TACR1: variants seen among roughly 807,000 people sequenced by gnomAD.
TACR1 encodes tachykinin receptor 1, also known as substance-P receptor.
Under a neutral mutation model 35.8 loss-of-function variants are expected in TACR1, and 25 were observed. The ratio of observed to expected loss-of-function variants is 0.70; its 90% CI spans 0.51 to 0.98. The LOEUF (loss-of-function observed/expected upper bound fraction) is 0.98, where lower values mean the gene tolerates loss of function less well. Ranked by LOEUF, TACR1 falls within the 50% of genes least tolerant of loss-of-function variation. The pLI is 0.00. For synonymous variants in TACR1, 195 were observed against 206.7 expected (o/e 0.94, Z 0.48); for missense variants, 478 against 522.9 (o/e 0.91, Z 0.84).
chr2:75,199,174 T>C lies in TACR1; in HGVS notation c.-240A>G. 1 of 514,384 alleles carries C rather than the reference T, an allele frequency of 1.9e-6. No homozygotes were observed. Among genetic ancestry groups the C allele is most frequent in the African/African-American group, 1.9e-5 (1 of 52,802 alleles). 31.9% of individuals were successfully genotyped at this position (514,384 alleles called of 1,614,324 possible). A position where few individuals can be genotyped will look rare whatever the true frequency, so the allele number is the denominator to read the frequency against. ...CTCCACTTTCAAGCTTCAGGAGACG[T>C]TTGAGTTCAGAAGTCTGGAGACAGC... On this transcript the variant is annotated 5_prime_UTR_variant, in exon 1 of 5. Transcript: ENST00000305249.
rs142249312 is a variant in TACR1, at chr2:75,062,243, A to G, written c.585-8488T>C. On this transcript the variant is annotated intron_variant, in intron 2 of 4. Transcript: ENST00000305249. The stretch of plus-strand genomic sequence containing the variant: ...TTCTTTAATAGATAGGTTTCTCACT[A>G]CAAGTACTATATACTCATCGTCGAT... Among the ~76,000 whole-genome samples the G allele has an allele frequency of 5.3e-4, 80 of 152,192 alleles. 2 individuals carry two copies. The East Asian group carries it at 0.013, about 24-fold the overall frequency.
In TACR1 at chr2:75,198,977, C is replaced by T. The variant is rs200655774; in HGVS notation, c.-43G>A. 3 of 1,590,490 alleles carry T rather than the reference C, an allele frequency of 1.9e-6. No individual in the cohort carries two copies. The African/African-American group carries it at 4.0e-5, about 21-fold the overall frequency. On this transcript the variant is annotated 5_prime_UTR_variant, in exon 1 of 5. Coordinates refer to ENST00000305249, the MANE Select transcript of TACR1 (RefSeq NM_001058.4). ...AAGCCCTACTATCTGTACACAACCC[C>T]CCTCTGCAGCAGAGTCCTGTGGCTG...
chr2:75,151,072 C>T (rs1001085551), intron 1 of TACR1, among the ~76,000 whole-genome samples: 3 of 152,148 alleles, frequency 2.0e-5, no homozygotes, highest in African/African-American at 7.2e-5. Context: ...CAAGAGGTGA[C>T]TTGGATGCTG....
chr2:75,106,772 TAAAACATATGTATCTTTGA>T (rs1398903350), intron 2 of TACR1, among the ~76,000 whole-genome samples: 1 of 151,582 alleles, frequency 6.6e-6, no homozygotes, highest in East Asian at 1.9e-4. Flanking sequence ...TATAACGAAA[TAAAACATATGTATCTTTGA>T]AATTACCAAA....
Position 75,199,057 on chromosome 2 carries a change from C to A in TACR1, c.-123G>T. The A allele has an allele frequency of 4.9e-6, 6 of 1,212,370 alleles. No homozygotes were observed. Among genetic ancestry groups the A allele is most frequent in the African/African-American group, 1.5e-5 (1 of 65,128 alleles). 75.1% of individuals were successfully genotyped at this position (1,212,370 alleles called of 1,614,324 possible). ...CAGACAGGAGGGTGGAAGGCTTTTT[C>A]TGGGCAGCACTCTTTTTGAAAGCTG... On this transcript the variant is annotated 5_prime_UTR_variant, in exon 1 of 5. Transcript: ENST00000305249.
At chr2:75,183,257 A>G (rs1047226479) in intron 1 of TACR1, among the ~76,000 whole-genome samples, 3 of 152,178 alleles carry the variant, frequency 2.0e-5, no homozygotes, top group Non-Finnish European at 4.4e-5. Flanking sequence ...ATTTATTTCT[A>G]TTTCTTCTTC....
At chr2:75,174,537 G>T (rs1675367656) in intron 1 of TACR1, among the ~76,000 whole-genome samples, 1 of 152,134 alleles carries the variant, frequency 6.6e-6, no homozygotes, top group Non-Finnish European at 1.5e-5. Flanking sequence ...TAAAACTCAT[G>T]AATTGTTTAT....
At chr2:75,143,491 A>G (rs1674448923) in intron 1 of TACR1, among the ~76,000 whole-genome samples, 1 of 152,174 alleles carries the variant, frequency 6.6e-6, no homozygotes, top group Non-Finnish European at 1.5e-5. Context: ...GTTAACACTG[A>G]TCGAGCATTA....
chr2:75,196,602 C>T (rs1439188827), intron 1 of TACR1, among the ~76,000 whole-genome samples: 3 of 152,250 alleles, frequency 2.0e-5, no homozygotes, highest in East Asian at 1.9e-4. Flanking sequence ...AAAACAACAA[C>T]GGAGCTGAAA....
chr2:75,081,550 G>A (rs1340844234), intron 2 of TACR1, among the ~76,000 whole-genome samples: 1 of 152,184 alleles, frequency 6.6e-6, no homozygotes, highest in African/African-American at 2.4e-5. Context: ...CCTGGATGTA[G>A]AGATTGGGGT....
At chr2:75,190,846 G>A (rs1675825925) in intron 1 of TACR1, among the ~76,000 whole-genome samples, 18 of 152,148 alleles carry the variant, frequency 1.2e-4, no homozygotes, top group Admixed American at 1.2e-3. Context: ...ATTAAAGGGT[G>A]CGCTCATACA....
At chr2:75,063,996 C>T (rs1672719916) in intron 2 of TACR1, among the ~76,000 whole-genome samples, 1 of 151,984 alleles carries the variant, frequency 6.6e-6, no homozygotes, top group South Asian at 2.1e-4. Flanking sequence ...CCCTTCCCAG[C>T]ATGACATGCA....
At chr2:75,074,614 T>G (rs1672942708) in intron 2 of TACR1, among the ~76,000 whole-genome samples, 1 of 152,102 alleles carries the variant, frequency 6.6e-6, no homozygotes, top group Non-Finnish European at 1.5e-5. Context: ...ATGACCCAGA[T>G]TTTTCTTTTA....
At position 75,047,568 on chromosome 2, in the gene TACR1, C is replaced by T. The variant is rs1672388353; in HGVS notation, c.*1864G>A. On this transcript the variant is annotated 3_prime_UTR_variant, in exon 5 of 5. Coordinates refer to ENST00000305249, the MANE Select transcript of TACR1 (RefSeq NM_001058.4). Reference sequence around the variant, plus strand: ...CATAATCATGTTAGCTCTTTACATTCTTCCAAAGTGAGTAATCCATACACA... The same window carrying T: ...CATAATCATGTTAGCTCTTTACATTTTTCCAAAGTGAGTAATCCATACACA... 6.6e-6 allele frequency: 1 copy of T among 152,242 alleles called. No individual in the cohort carries two copies. The highest frequency in any genetic ancestry group is 2.1e-4 in the South Asian group (1 of 4,834). The allele number at this position is 152,242 out of a possible 1,614,324, so 9.4% of individuals were successfully genotyped here. A position where few individuals can be genotyped will look rare whatever the true frequency, so the allele number is the denominator to read the frequency against.
chr2:75,062,658 C>G (rs1029169363), intron 2 of TACR1, among the ~76,000 whole-genome samples: 2 of 151,918 alleles, frequency 1.3e-5, no homozygotes, highest in African/African-American at 4.8e-5. Flanking sequence ...TTTTTATTTC[C>G]CAAGGTTAAA....
At chr2:75,192,685 A>G (rs1473822908) in intron 1 of TACR1, among the ~76,000 whole-genome samples, 1 of 152,208 alleles carries the variant, frequency 6.6e-6, no homozygotes, top group African/African-American at 2.4e-5. Flanking sequence ...TAAGGCACAT[A>G]AAAGCAAATT....
At position 75,134,199 on chromosome 2, in the gene TACR1, T is replaced by G. The variant is rs567352887; in HGVS notation, c.390-13431A>C. Among the ~76,000 whole-genome samples, 3 of 152,316 alleles carry G rather than the reference T, an allele frequency of 2.0e-5. No homozygotes were observed. The East Asian group carries it at 5.8e-4, about 29-fold the overall frequency. On this transcript the variant is annotated intron_variant, in intron 1 of 4. Transcript: ENST00000305249. ...GTAGCCATTCTTTATTCCTTTACTT[T>G]CTTAATAAACTTGCTTTCACTTTAT...
At chr2:75,191,008 G>A (rs1201662636) in intron 1 of TACR1, among the ~76,000 whole-genome samples, 1 of 152,184 alleles carries the variant, frequency 6.6e-6, no homozygotes, top group Non-Finnish European at 1.5e-5. Context: ...CAGTTCATAT[G>A]TAGCATTAAA....
chr2:75,089,483 GA>G (rs1673260856), intron 2 of TACR1, among the ~76,000 whole-genome samples: 1 of 152,184 alleles, frequency 6.6e-6, no homozygotes, highest in East Asian at 1.9e-4. Flanking sequence ...AGCGGGTTAA[GA>G]GCACCCTTTC....
Sources: gnomAD v4.1 joint callset for allele counts (sites outside exome capture counted in the v4.1 genomes callset) on GRCh38, gnomAD v4.1.1 for gene constraint, MANE v1.5 for transcripts, NCBI Gene and HGNC (gene_info 2026-07-23, HGNC 2026-07-21) for gene names.